The following MAGI1 variants were observed in gnomAD, a reference collection of about 807,000 sequenced individuals.
The protein encoded by MAGI1 is membrane associated guanylate kinase, WW and PDZ domain containing 1, also known as membrane-associated guanylate kinase, WW and PDZ domain-containing protein 1.
Under a neutral mutation model 139.9 loss-of-function variants are expected in MAGI1, and 58 were observed. The ratio of observed to expected loss-of-function variants is 0.41; its 90% CI spans 0.34 to 0.52. The LOEUF (loss-of-function observed/expected upper bound fraction) is 0.52. MAGI1 is among the 20% of genes least tolerant of loss of function. The pLI, the probability that MAGI1 is intolerant of heterozygous loss-of-function variation, is 0.12. For missense variants in MAGI1, 1,874 were observed against 1,901.6 expected, an observed-to-expected ratio of 0.99 and a Z score of 0.27; for synonymous variants, 812 against 737.9, an observed-to-expected ratio of 1.10 and a Z score of -1.63.
intron 1 of MAGI1, among the ~76,000 whole-genome samples, chr3:65,872,488 A>C (rs182668405): frequency 7.9e-4 from 120 of 152,212 alleles, no homozygotes; most frequent in Middle Eastern, 3.4e-3. Flanking sequence ...CCACAAACAC[A>C]CACTCTAAGC....
intron 2 of MAGI1, among the ~76,000 whole-genome samples, chr3:65,570,516 G>A (rs1346312533): frequency 1.3e-5 from 2 of 151,972 alleles, no homozygotes; most frequent in Non-Finnish European, 2.9e-5. Context: ...AAAGTATAAA[G>A]AATGTCAAAT....
intron 1 of MAGI1, among the ~76,000 whole-genome samples, chr3:65,767,088 G>A (rs546486899): frequency 2.0e-5 from 3 of 152,058 alleles, no homozygotes; most frequent in Non-Finnish European, 2.9e-5. Flanking sequence ...ACAGAATCAT[G>A]ACACGCAAAA....
At position 65,636,169 on chromosome 3, in the gene MAGI1, G is replaced by A. The variant is rs543394419; in HGVS notation, c.314-14081C>T. Reference sequence around the variant, plus strand: ...AGGGGCACCTATTTTATGTAAATGTGGTTGTGTACAAAACAAGTTCTAGAC... The same window carrying A: ...AGGGGCACCTATTTTATGTAAATGTAGTTGTGTACAAAACAAGTTCTAGAC... On this transcript the variant is annotated intron_variant, in intron 1 of 22. Coordinates refer to ENST00000402939, the MANE Select transcript of MAGI1 (RefSeq NM_001033057.2). 5.3e-5 allele frequency among the ~76,000 whole-genome samples: 8 copies of A among 151,804 alleles called. No individual in the cohort carries two copies. The South Asian group carries it at 1.7e-3, about 32-fold the overall frequency.
intron 1 of MAGI1, among the ~76,000 whole-genome samples, chr3:65,662,802 A>C (rs2086272701): frequency 6.6e-6 from 1 of 152,148 alleles, no homozygotes; most frequent in Non-Finnish European, 1.5e-5. Flanking sequence ...TTCTAGACTT[A>C]TTTACCACAC....
chr3:65,767,615 T>C (rs1289080569), intron 1 of MAGI1, among the ~76,000 whole-genome samples: 1 of 152,190 alleles, frequency 6.6e-6, no homozygotes, highest in African/African-American at 2.4e-5. Flanking sequence ...GCTCTGACAA[T>C]TGTTACATGA....
At position 66,037,384 on chromosome 3, in the gene MAGI1, T is replaced by TCCCCCTCC. The variant is rs1328460917; in HGVS notation, c.313+604_313+611dup. 4.6e-5 allele frequency among the ~76,000 whole-genome samples: 7 copies of TCCCCCTCC among 152,022 alleles called. No homozygotes were observed. The East Asian group carries it at 1.4e-3, about 30-fold the overall frequency. On this transcript the variant is annotated intron_variant, in intron 1 of 22. Transcript: ENST00000402939. The stretch of plus-strand genomic sequence containing the variant: ...TAAAAGCAAGCACCCCTTCCCCCTC[T>TCCCCCTCC]CCCCCTCCCAAGTGTATGGCTGAGC...
chr3:65,665,088 T>C (rs752076367), intron 1 of MAGI1, among the ~76,000 whole-genome samples: 1 of 152,194 alleles, frequency 6.6e-6, no homozygotes, highest in Non-Finnish European at 1.5e-5. Context: ...TAATCATAGA[T>C]ACACTGACTC....
intron 1 of MAGI1, among the ~76,000 whole-genome samples, chr3:66,027,629 C>T (rs1193387539): frequency 2.6e-5 from 4 of 152,212 alleles, no homozygotes; most frequent in South Asian, 2.1e-4. Context: ...GCTCATCTAC[C>T]TAGACAAACC....
intron 1 of MAGI1, among the ~76,000 whole-genome samples, chr3:65,668,571 T>C (rs945172595): frequency 1.4e-5 from 2 of 141,146 alleles, no homozygotes; most frequent in Admixed American, 7.1e-5. Flanking sequence ...TCTTTTTTTT[T>C]TTTTTTTTTT....
chr3:65,398,583 G>A (rs888478533), intron 13 of MAGI1, among the ~76,000 whole-genome samples: 1 of 152,138 alleles, frequency 6.6e-6, no homozygotes, highest in African/African-American at 2.4e-5. Flanking sequence ...AAAATTCAGG[G>A]TTTGGTGTGA....
chr3:65,680,580 A>T (rs531315783), intron 1 of MAGI1, among the ~76,000 whole-genome samples: 1 of 152,060 alleles, frequency 6.6e-6, no homozygotes, highest in East Asian at 1.9e-4. Context: ...GCACCTGGTT[A>T]ATTTTTCTTT....
At chr3:65,912,359 G>A (rs1417925360) in intron 1 of MAGI1, among the ~76,000 whole-genome samples, 8 of 152,082 alleles carry the variant, frequency 5.3e-5, no homozygotes, top group Non-Finnish European at 1.0e-4. Flanking sequence ...TGAACAGCAG[G>A]CTGAAAAACT....
chr3:65,471,718 G>T (rs1452102581), intron 4 of MAGI1, among the ~76,000 whole-genome samples: 1 of 152,164 alleles, frequency 6.6e-6, no homozygotes, highest in Non-Finnish European at 1.5e-5. Context: ...TGCCAATCAG[G>T]AGTATTCTAT....
intron 1 of MAGI1, among the ~76,000 whole-genome samples, chr3:65,699,899 AT>A (rs1425495802): frequency 2.0e-5 from 3 of 151,656 alleles, no homozygotes; most frequent in Non-Finnish European, 2.9e-5. Flanking sequence ...AATTAAAAAA[AT>A]AAAAAAAAAA....
At chr3:65,527,830 G>T (rs2078458837) in intron 2 of MAGI1, among the ~76,000 whole-genome samples, 1 of 151,444 alleles carries the variant, frequency 6.6e-6, no homozygotes, top group Admixed American at 6.6e-5. Context: ...TAGGAGAATT[G>T]CTTGAACCCA....
intron 1 of MAGI1, among the ~76,000 whole-genome samples, chr3:65,923,156 T>C (rs2062305109): frequency 6.6e-6 from 1 of 152,012 alleles, no homozygotes; most frequent in South Asian, 2.1e-4. Context: ...CTATACTTGC[T>C]CTATCCATTC....
At chr3:66,023,284 T>C (rs1258410140) in intron 1 of MAGI1, among the ~76,000 whole-genome samples, 3 of 152,182 alleles carry the variant, frequency 2.0e-5, no homozygotes, top group African/African-American at 7.2e-5. Context: ...AGACACACAG[T>C]ACAAGTCCAA....
chr3:65,568,771 G>A (rs1255717183), intron 2 of MAGI1, among the ~76,000 whole-genome samples: 3 of 152,150 alleles, frequency 2.0e-5, no homozygotes, highest in Admixed American at 1.3e-4. Flanking sequence ...CTCTGATAAT[G>A]CTCCATAACT....
At chr3:65,370,099 C>A (rs1024801562) in intron 18 of MAGI1, among the ~76,000 whole-genome samples, 2 of 152,184 alleles carry the variant, frequency 1.3e-5, no homozygotes, top group Non-Finnish European at 1.5e-5. Context: ...GGATCTCCCA[C>A]ATCTTTTGAG....
Sources: allele counts gnomAD v4.1 joint callset (sites outside exome capture counted in the v4.1 genomes callset), GRCh38; gene constraint gnomAD v4.1.1; transcripts MANE v1.5; gene names NCBI Gene and HGNC (gene_info 2026-07-23, HGNC 2026-07-21).